TUSC3: variants seen among roughly 807,000 people sequenced by gnomAD.
TUSC3 encodes the protein tumor suppressor candidate 3.
In TUSC3, 45 loss-of-function variants were observed where a neutral mutation model predicts 44.8. That is an observed-to-expected ratio of 1.00 (90% CI 0.79 to 1.29). The LOEUF (loss-of-function observed/expected upper bound fraction) is 1.29. Among genes scored for constraint, TUSC3 ranks in the 50% most tolerant of loss-of-function variants. The pLI, the probability that TUSC3 is intolerant of heterozygous loss-of-function variation, is 0.00. For synonymous variants in TUSC3, 212 were observed against 152.9 expected (o/e 1.39, Z -2.85); for missense variants, 519 against 437.9 (o/e 1.19, Z -1.65).
chr8:15,493,915 C>G (rs1402264609), intron 2 of TUSC3, among the ~76,000 whole-genome samples: 2 of 152,166 alleles, frequency 1.3e-5, no homozygotes, highest in African/African-American at 4.8e-5. Context: ...ACTAAAAAGA[C>G]CAATAAATAT....
At chr8:15,570,301 C>T (rs895469604) in intron 1 of TUSC3, among the ~76,000 whole-genome samples, 1 of 150,976 alleles carries the variant, frequency 6.6e-6, no homozygotes, top group Admixed American at 6.6e-5. Context: ...CACACACACA[C>T]ACTCTTACTG....
At chr8:15,655,218 T>G (rs963996476) in intron 3 of TUSC3, among the ~76,000 whole-genome samples, 4 of 152,104 alleles carry the variant, frequency 2.6e-5, no homozygotes, top group Admixed American at 6.5e-5. Context: ...AGAAAACACC[T>G]GAAGATGGTG....
At chr8:15,486,335 A>G (rs1800732297) in intron 2 of TUSC3, among the ~76,000 whole-genome samples, 1 of 152,220 alleles carries the variant, frequency 6.6e-6, no homozygotes, top group Non-Finnish European at 1.5e-5. Context: ...AAAATGTGGT[A>G]ACTGAAATTT....
At position 15,653,230 on chromosome 8, in the gene TUSC3, C is replaced by G. The variant is rs150863011; in HGVS notation, c.426+2416C>G. On this transcript the variant is annotated intron_variant, in intron 3 of 10. Coordinates refer to ENST00000503731, the MANE Select transcript of TUSC3 (RefSeq NM_006765.4). ...AGATTGGAGAGAGGATTTGCTTGAC[C>G]TCAGTGGGAGAGGCGCAGCTCAGCA... 5.1e-3 allele frequency among the ~76,000 whole-genome samples: 769 copies of G among 152,212 alleles called. 6 individuals carry two copies. The highest frequency in any genetic ancestry group is 0.018 in the African/African-American group (732 of 41,542).
At chr8:15,552,738 A>T (rs1802101050) in intron 1 of TUSC3, among the ~76,000 whole-genome samples, 1 of 151,588 alleles carries the variant, frequency 6.6e-6, no homozygotes, top group African/African-American at 2.4e-5. Flanking sequence ...CTGGATCTGA[A>T]CTTGATCCTG....
intron 1 of TUSC3, among the ~76,000 whole-genome samples, chr8:15,432,321 G>A (rs1799882500): frequency 2.0e-5 from 3 of 152,004 alleles, no homozygotes; most frequent in African/African-American, 7.3e-5. Flanking sequence ...TATTTTCCAT[G>A]TCTTCATGTT....
intron 1 of TUSC3, among the ~76,000 whole-genome samples, chr8:15,428,629 C>G (rs925086973): frequency 1.3e-5 from 2 of 152,184 alleles, no homozygotes; most frequent in African/African-American, 2.4e-5. Context: ...TCTCCAGCAC[C>G]TGTTGTTTCC....
intron 1 of TUSC3, among the ~76,000 whole-genome samples, chr8:15,465,737 A>C (rs973256630): frequency 8.5e-5 from 13 of 152,204 alleles, no homozygotes; most frequent in Non-Finnish European, 1.5e-5. Context: ...ATTAAACATC[A>C]AACATAAAGG....
chr8:15,776,284 C>T, the TUSC3 span, among the ~76,000 whole-genome samples: 2 of 151,928 alleles, frequency 1.3e-5, no homozygotes, highest in Admixed American at 6.6e-5. Flanking sequence ...TTCCTGTGGC[C>T]TCTCAAGGAA....
chr8:15,574,736 A>G (rs1169586603), intron 1 of TUSC3, among the ~76,000 whole-genome samples: 1 of 152,086 alleles, frequency 6.6e-6, no homozygotes, highest in East Asian at 1.9e-4. Context: ...TTTGAGAGAA[A>G]TTTTCTCTAC....
chr8:15,691,152 C>G (rs7822002), intron 6 of TUSC3, among the ~76,000 whole-genome samples: 4,742 of 151,728 alleles, frequency 0.031, 196 homozygotes, highest in African/African-American at 0.11. Context: ...AATGTTTTTC[C>G]ATTTGTTTGT....
intron 1 of TUSC3, among the ~76,000 whole-genome samples, chr8:15,467,139 A>AGTG (rs1413807328): frequency 1.1e-4 from 16 of 152,206 alleles, no homozygotes; most frequent in African/African-American, 3.6e-4. Context: ...TATTAAAATT[A>AGTG]CTAAAACCTG....
intron 1 of TUSC3, among the ~76,000 whole-genome samples, chr8:15,557,688 G>A (rs1802316456): frequency 8.1e-6 from 1 of 123,690 alleles, no homozygotes; most frequent in Admixed American, 8.6e-5. Flanking sequence ...CTTGAGCAGT[G>A]GTTGGTAGTT....
chr8:15,566,798 GTA>G (rs1802695198), intron 1 of TUSC3, among the ~76,000 whole-genome samples: 1 of 152,022 alleles, frequency 6.6e-6, no homozygotes, highest in African/African-American at 2.4e-5. Flanking sequence ...TAATTTGTGT[GTA>G]TGTGTTTGTG....
At position 15,563,685 on chromosome 8, in the gene TUSC3, CA is replaced by C. The variant is rs150368776; in HGVS notation, c.138+23137del. On this transcript the variant is annotated intron_variant, in intron 1 of 10. Transcript: ENST00000503731. Reference sequence around the variant, plus strand: ...TGAGTGACAGAGTGAGCCTCCATCTCAAAAAAAAAAAAAAAAAAAAGAACAA... The same window carrying C: ...TGAGTGACAGAGTGAGCCTCCATCTCAAAAAAAAAAAAAAAAAAAGAACAA... Among the ~76,000 whole-genome samples, 169 of 79,962 alleles carry C rather than the reference CA, an allele frequency of 2.1e-3. 2 individuals are homozygous for C. Among genetic ancestry groups the C allele is most frequent in the Middle Eastern group, 0.017 (2 of 116 alleles). The allele number at this position is 79,962 out of a possible 152,430, so 52.5% of individuals were successfully genotyped here. A position where few individuals can be genotyped will look rare whatever the true frequency, so the allele number is the denominator to read the frequency against.
intron 1 of TUSC3, among the ~76,000 whole-genome samples, chr8:15,453,330 A>G (rs977299901): frequency 2.6e-5 from 4 of 152,350 alleles, no homozygotes; most frequent in Admixed American, 1.3e-4. Flanking sequence ...AATAAAATGA[A>G]TAAGTATATA....
intron 6 of TUSC3, among the ~76,000 whole-genome samples, chr8:15,677,163 C>A (rs1184738130): frequency 1.3e-5 from 2 of 152,066 alleles, no homozygotes; most frequent in African/African-American, 2.4e-5. Context: ...GACACTGTGC[C>A]TGGCCTTTGT....
chr8:15,540,164 C>T (rs1172945612), upstream of TUSC3: 5 of 421,296 alleles, frequency 1.2e-5, no homozygotes, highest in South Asian at 1.8e-4. Context: ...GGCGGGAGCG[C>T]ACGCCGCGCC....
At chr8:15,483,881 T>A (rs372702322) in intron 2 of TUSC3, among the ~76,000 whole-genome samples, 1,784 of 150,912 alleles carry the variant, frequency 0.012, 31 homozygotes, top group African/African-American at 0.041. Context: ...GTGGTCTCGA[T>A]CTCCTGACCT....
Sources: allele counts gnomAD v4.1 joint callset (sites outside exome capture counted in the v4.1 genomes callset), GRCh38; gene constraint gnomAD v4.1.1; transcripts MANE v1.5; gene names NCBI Gene and HGNC (gene_info 2026-07-23, HGNC 2026-07-21).